The following PDE6B variants were observed in gnomAD, a reference collection of about 807,000 sequenced individuals.
PDE6B encodes the protein phosphodiesterase 6B.
Under a neutral mutation model 109.0 loss-of-function variants are expected in PDE6B, and 106 were observed. The observed-to-expected ratio is 0.97, with a 90% confidence interval of 0.83 to 1.14. The LOEUF (loss-of-function observed/expected upper bound fraction) is 1.14, where lower values mean the gene tolerates loss of function less well. Ranked by LOEUF, PDE6B falls within the 50% of genes most tolerant of loss-of-function variation. PDE6B has a pLI of 0.00. For synonymous variants in PDE6B, 490 were observed against 471.3 expected (o/e 1.04, Z -0.51); for missense variants, 1,193 against 1,155.6 (o/e 1.03, Z -0.47).
chr4:642,969 A>G (rs1037234470), intron 3 of PDE6B, among the ~76,000 whole-genome samples: 2 of 152,012 alleles, frequency 1.3e-5, no homozygotes, highest in African/African-American at 4.8e-5. Context: ...TGTAATTATT[A>G]TTTTCATACA....
At chr4:652,139 G>C (rs1037071193) in intron 3 of PDE6B, 1 of 154,032 alleles carries the variant, frequency 6.5e-6, no homozygotes, top group Non-Finnish European at 1.4e-5. Flanking sequence ...AGGGTCACTG[G>C]AGAAACATGG....
At position 665,169 on chromosome 4, in the gene PDE6B, C is replaced by T. The variant is rs1423397104; in HGVS notation, c.2194-86C>T. ...CCCCGGGGGTCTGGGGCGGAGAAGA[C>T]CGAGGCTCGGAGCCTCACGGGGCGG... On this transcript the variant is annotated intron_variant, in intron 18 of 21. Coordinates refer to ENST00000496514, the MANE Select transcript of PDE6B (RefSeq NM_000283.4). This position sits in a 1 kb window ranked among gnomAD's most constrained non-coding sequence, Gnocchi z 4.0. The T allele has an allele frequency of 3.9e-6, 4 of 1,033,072 alleles. No homozygotes were observed. The highest frequency in any genetic ancestry group is 1.3e-5 in the South Asian group (1 of 74,796). The allele number at this position is 1,033,072 out of a possible 1,614,324, so 64.0% of individuals were successfully genotyped here.
At position 665,283 on chromosome 4, in the gene PDE6B, G is replaced by A; in HGVS notation, c.2222G>A (p.Trp741Ter). 1 of 1,612,918 alleles carries A rather than the reference G, an allele frequency of 6.2e-7. No homozygotes were observed. The highest frequency in any genetic ancestry group is 8.5e-7 in the Non-Finnish European group (1 of 1,179,606). ...KVALLVAAEF[W>*]EQGDLERTVL... ...GCACTTCTCGTGGCTGCTGAGTTCT[G>A]GGAGCAAGGTGACTTGGAAAGGACA... Residue 741 changes from tryptophan (W) to a stop codon, truncating the protein, a stop_gained, in exon 19 of 22, where the codon TGG becomes TAG. Transcript: ENST00000496514. LOFTEE classifies it high-confidence loss of function. The surrounding 1 kb of genome is among the most constrained non-coding windows in gnomAD (Gnocchi z 4.0).
chr4:652,638 T>C (rs1449500079), intron 3 of PDE6B: 2 of 297,728 alleles, frequency 6.7e-6, no homozygotes, highest in African/African-American at 4.5e-5. Context: ...AACAATACAG[T>C]AGAACAGCCG....
rs1737320877 is a variant in PDE6B at position 663,149 on chromosome 4, C to T, written c.1882C>T (p.His628Tyr). 6.2e-7 allele frequency: 1 copy of T among 1,611,698 alleles called. No homozygotes were observed. The highest frequency in any genetic ancestry group is 8.5e-7 in the Non-Finnish European group (1 of 1,177,974). The change falls in exon 15 of 22, where the codon CAC (histidine) becomes TAC (tyrosine). Residue 628 changes from histidine to tyrosine, a missense_variant. Transcript: ENST00000496514. The surrounding 1 kb of genome is among the most constrained non-coding windows in gnomAD (Gnocchi z 4.0). ...CCACGGCTCCTCGATTTTGGAGCGG[C>T]ACCACCTGGAGTTTGGGAAGTTCCT... is the stretch of plus-strand genomic sequence containing the variant. ...KLHGSSILER[H>Y]HLEFGKFLLS...
chr4:649,609 A>G (rs556105615), intron 3 of PDE6B, among the ~76,000 whole-genome samples: 24 of 151,608 alleles, frequency 1.6e-4, no homozygotes, highest in African/African-American at 5.6e-4. Flanking sequence ...TGGACCCACA[A>G]AGGCCTGGGA....
rs1734092652 is a variant in PDE6B at position 626,154 on chromosome 4, T to C, written c.468+60T>C. The C allele has an allele frequency of 9.5e-6, 10 of 1,051,484 alleles. No homozygotes were observed. In the East Asian group the frequency reaches 2.6e-4, roughly 27 times the overall value. The allele number at this position is 1,051,484 out of a possible 1,614,324, so 65.1% of individuals were successfully genotyped here. ...GTGCATCTCTTGCACCTGTCCCAGGTGTCTAAGGGTCAGCTCGGATCCTCA... is the reference window on the plus strand; with the variant it reads ...GTGCATCTCTTGCACCTGTCCCAGGCGTCTAAGGGTCAGCTCGGATCCTCA... On this transcript the variant is annotated intron_variant, in intron 1 of 21. Coordinates refer to ENST00000496514, the MANE Select transcript of PDE6B (RefSeq NM_000283.4). This position sits in a 1 kb window ranked among gnomAD's most constrained non-coding sequence, Gnocchi z 4.6.
At chr4:634,582 A>C in intron 1 of PDE6B, 95 bp from the exon 2 acceptor site, 1 of 1,031,792 alleles carries the variant, frequency 9.7e-7, no homozygotes, top group Non-Finnish European at 1.5e-6. Context: ...CCTGGAGGGC[A>C]GCAGCCCCCA....
At chr4:644,487 T>C (rs1577255798) in intron 3 of PDE6B, among the ~76,000 whole-genome samples, 1 of 152,096 alleles carries the variant, frequency 6.6e-6, no homozygotes, top group Admixed American at 6.5e-5. Flanking sequence ...AGGTAAATTA[T>C]AGATGTCAAT....
intron 3 of PDE6B, chr4:651,986 T>TGACTGCGGCCAGGGCGGCTCCACGACGGG: frequency 5.6e-6 from 1 of 179,320 alleles, no homozygotes; most frequent in Non-Finnish European, 1.2e-5. Context: ...TCCATGACTG[T>TGACTGCGGCCAGGGCGGCTCCACGACGGG]GACTGCGGCC....
Position 662,616 on chromosome 4 carries a change from G to A in PDE6B, c.1830G>A (p.Met610Ile), listed in dbSNP as rs769757459. 3.8e-6 allele frequency: 6 copies of A among 1,586,176 alleles called. No homozygotes were observed. The South Asian group carries it at 4.4e-5, about 12-fold the overall frequency. ...GCGGCACCAACAACCTGTACCAGAT[G>A]AAGTAGGCACCTCAGGGCGGGCATG... The part of the protein sequence containing the change: ...DHRGTNNLYQ[M>I]KSQNPLAKLH... Residue 610 changes from methionine to isoleucine, a missense_variant and splice_region_variant, in exon 14 of 22, where the codon ATG becomes ATA. Physicochemically the swap from Met to Ile is conservative, Grantham distance 10. Coordinates refer to ENST00000496514, the MANE Select transcript of PDE6B (RefSeq NM_000283.4). This position sits in a 1 kb window ranked among gnomAD's most constrained non-coding sequence, Gnocchi z 4.3.
Position 636,503 on chromosome 4 carries a change from C to A in PDE6B, c.711+534C>A, listed in dbSNP as rs1734689579. ...TGCGTGGGAAAACGCAGGGGGATGA[C>A]CTCCAGGGCAGGTGGTCCTCCCGTC... is the stretch of plus-strand genomic sequence containing the variant. On this transcript the variant is annotated intron_variant, in intron 3 of 21. Transcript: ENST00000496514. The surrounding 1 kb of genome is among the most constrained non-coding windows in gnomAD (Gnocchi z 4.5). Among the ~76,000 whole-genome samples the A allele has an allele frequency of 6.6e-6, 1 of 151,880 alleles. No individual in the cohort carries two copies. The highest frequency in any genetic ancestry group is 2.4e-5 in the African/African-American group (1 of 41,336).
intron 3 of PDE6B, among the ~76,000 whole-genome samples, chr4:646,043 G>T (rs1456515947): frequency 6.6e-6 from 1 of 151,974 alleles, no homozygotes. Flanking sequence ...AAGAAAATAT[G>T]TTGCTTTCCT....
In PDE6B at chr4:634,761, G is replaced by T. The variant is rs754229829; in HGVS notation, c.553G>T (p.Asp185Tyr). The change falls in exon 2 of 22, where the codon GAC becomes TAC. Residue 185 changes from aspartate (D) to tyrosine (Y), a missense_variant. Asp to Tyr is a radical substitution (Grantham distance 160, BLOSUM62 -3). Coordinates refer to ENST00000496514, the MANE Select transcript of PDE6B (RefSeq NM_000283.4). Reference protein sequence around the residue: ...MLATPIMNGKDVVAVIMAVNK... With the variant: ...MLATPIMNGKYVVAVIMAVNK... ...GGCCACACCCATCATGAATGGCAAA[G>T]ACGTCGTGGCGGTGATCATGGCAGT... 1 of 1,613,740 alleles carries T rather than the reference G, an allele frequency of 6.2e-7. No individual in the cohort carries two copies. The highest frequency in any genetic ancestry group is 1.1e-5 in the South Asian group (1 of 91,076).
intron 21 of PDE6B, among the ~76,000 whole-genome samples, chr4:668,710 C>CA (rs201787871): frequency 9.4e-6 from 1 of 106,918 alleles, no homozygotes. Context: ...ATGCTATTCC[C>CA]CTACCCCATG....
intron 8 of PDE6B, 43 bp downstream of exon 8, chr4:656,335 A>G (rs1217535477): frequency 7.9e-7 from 1 of 1,269,552 alleles, no homozygotes; most frequent in African/African-American, 1.5e-5. Flanking sequence ...TACTTACAAA[A>G]GAGGAGATTT....
rs759288075 is a variant in PDE6B at position 626,637 on chromosome 4, CA to C, written c.468+544del. Among the ~76,000 whole-genome samples, 1 of 152,202 alleles carries C rather than the reference CA, an allele frequency of 6.6e-6. No individual in the cohort carries two copies. Among genetic ancestry groups the C allele is most frequent in the Non-Finnish European group, 1.5e-5 (1 of 68,034 alleles). ...TCCCATGGGAGCCCACGCCAGCCGC[CA>C]GGGGAGAACAAACCTGGTAGCCACT... On this transcript the variant is annotated intron_variant, in intron 1 of 21. Coordinates refer to ENST00000496514, the MANE Select transcript of PDE6B (RefSeq NM_000283.4). The surrounding 1 kb of genome is among the most constrained non-coding windows in gnomAD (Gnocchi z 4.6).
rs1737607218 is a variant in PDE6B, at chr4:664,892, T to TGAC, written c.2142_2144dup (p.Thr715dup). On this transcript the variant is annotated inframe_insertion, in exon 18 of 22. Coordinates refer to ENST00000496514, the MANE Select transcript of PDE6B (RefSeq NM_000283.4). Reference sequence around the variant, plus strand: ...GTTTGTGTCTGCAGGGCCATGATGATGACAGCCTGCGACCTGTCTGCCATC... The same window carrying TGAC: ...GTTTGTGTCTGCAGGGCCATGATGATGACGACAGCCTGCGACCTGTCTGCCATC... 6.2e-7 allele frequency: 1 copy of TGAC among 1,613,288 alleles called. No individual in the cohort carries two copies. The highest frequency in any genetic ancestry group is 8.5e-7 in the Non-Finnish European group (1 of 1,179,932).
Position 660,350 on chromosome 4 carries a change from C to T in PDE6B, c.1468-117C>T, listed in dbSNP as rs1736915157. On this transcript the variant is annotated intron_variant, in intron 11 of 21. Coordinates refer to ENST00000496514, the MANE Select transcript of PDE6B (RefSeq NM_000283.4). ...CTGGAGCGCCAGGAATGACACATCT[C>T]CTCAGAGATGCCTGAGGTGTCTGAG... 8.6e-6 allele frequency: 9 copies of T among 1,048,496 alleles called. No individual in the cohort carries two copies. The East Asian group carries it at 1.2e-4, about 14-fold the overall frequency. 64.9% of individuals were successfully genotyped at this position (1,048,496 alleles called of 1,614,324 possible). A position where few individuals can be genotyped will look rare whatever the true frequency, so the allele number is the denominator to read the frequency against.
Sources: gnomAD v4.1 joint callset for allele counts (sites outside exome capture counted in the v4.1 genomes callset) on GRCh38, gnomAD v4.1.1 for gene constraint, Gnocchi (gnomAD v3.1) non-coding constraint, MANE v1.5 for transcripts, NCBI Gene and HGNC (gene_info 2026-07-23, HGNC 2026-07-21) for gene names.